Variants in SEPTIN14 observed in about 807,000 individuals in gnomAD.
SEPTIN14 encodes septin-14.
In SEPTIN14, 40 loss-of-function variants were observed where a neutral mutation model predicts 53.6. That is an observed-to-expected ratio of 0.75 (90% confidence interval 0.58 to 0.97). SEPTIN14 has a LOEUF of 0.97. SEPTIN14 is among the 50% of genes least tolerant of loss of function. The pLI is 0.00. For missense variants in SEPTIN14, 471 were observed against 508.2 expected, an observed-to-expected ratio of 0.93 and a Z score of 0.70; for synonymous variants, 138 against 166.8, an observed-to-expected ratio of 0.83 and a Z score of 1.33.
intron 6 of SEPTIN14, among the ~76,000 whole-genome samples, chr7:55,830,349 AT>A (rs1216458496): frequency 2.8e-4 from 16 of 56,852 alleles, no homozygotes; most frequent in Admixed American, 1.1e-3. Flanking sequence ...ATATATATAT[AT>A]TTTTTTTTTT....
chr7:55,845,483 T>C (rs1466411478), intron 3 of SEPTIN14, among the ~76,000 whole-genome samples: 6 of 152,172 alleles, frequency 3.9e-5, no homozygotes, highest in Non-Finnish European at 2.9e-5. Flanking sequence ...TGAGATCTAT[T>C]GCACAGCAGA....
At chr7:55,856,142 ACCCCCT>A (rs1290988708) in intron 2 of SEPTIN14, among the ~76,000 whole-genome samples, 1 of 150,664 alleles carries the variant, frequency 6.6e-6, no homozygotes, top group African/African-American at 2.4e-5. Context: ...TTCTGCCCTC[ACCCCCT>A]CCCTCCCTCA....
At chr7:55,822,856 C>CAAAA (rs148179709) in intron 6 of SEPTIN14, among the ~76,000 whole-genome samples, 4 of 104,422 alleles carry the variant, frequency 3.8e-5, no homozygotes, top group South Asian at 2.9e-4. Flanking sequence ...CAGGGGAAAG[C>CAAAA]AAAAAAAAAA....
intron 7 of SEPTIN14, among the ~76,000 whole-genome samples, chr7:55,813,303 T>C (rs1179982526): frequency 3.3e-5 from 5 of 152,114 alleles, no homozygotes; most frequent in Non-Finnish European, 7.4e-5. Flanking sequence ...ATGCCAGAGA[T>C]AGATAGGAAC....
At chr7:55,826,937 G>T (rs1562712281) in intron 6 of SEPTIN14, among the ~76,000 whole-genome samples, 1 of 152,122 alleles carries the variant, frequency 6.6e-6, no homozygotes, top group Non-Finnish European at 1.5e-5. Flanking sequence ...TTCTGCAGTT[G>T]CCTGAGCATT....
chr7:55,853,689 A>G (rs946503483), intron 2 of SEPTIN14, among the ~76,000 whole-genome samples: 2 of 152,238 alleles, frequency 1.3e-5, no homozygotes, highest in Non-Finnish European at 2.9e-5. Flanking sequence ...TGTTTCTAAC[A>G]CAAAGAAATG....
Position 55,837,740 on chromosome 7 carries a change from G to A in SEPTIN14, c.559-3154C>T, listed in dbSNP as rs112696334. Reference sequence around the variant, plus strand: ...TGGGATTACAGGCATGTGCCACCACGCCCAGCTAATTTTGTATTTTTTAGT... The same window carrying A: ...TGGGATTACAGGCATGTGCCACCACACCCAGCTAATTTTGTATTTTTTAGT... On this transcript the variant is annotated intron_variant, in intron 5 of 9. Coordinates refer to ENST00000388975, the MANE Select transcript of SEPTIN14 (RefSeq NM_207366.3). 1.2e-3 allele frequency among the ~76,000 whole-genome samples: 176 copies of A among 152,180 alleles called. 2 individuals are homozygous for A. Among genetic ancestry groups the A allele is most frequent in the African/African-American group, 4.0e-3 (168 of 41,530 alleles).
chr7:55,797,136 AAAAG>A (rs1365436668), intron 9 of SEPTIN14, among the ~76,000 whole-genome samples: 1 of 152,174 alleles, frequency 6.6e-6, no homozygotes, highest in Non-Finnish European at 1.5e-5. Context: ...AAAAGAAAAA[AAAAG>A]AGAGAGAGAA....
chr7:55,825,134 C>A lies in SEPTIN14; in HGVS notation c.721-5911G>T, dbSNP rs186590651. 9.2e-5 allele frequency among the ~76,000 whole-genome samples: 14 copies of A among 152,200 alleles called. No individual in the cohort carries two copies. In the East Asian group the frequency reaches 2.7e-3, roughly 29 times the overall value. ...CAGTGAGTGGATAAACAAACTGTGGCATACCTAAACATGAAATATTATTTA... is the reference window on the plus strand; with the variant it reads ...CAGTGAGTGGATAAACAAACTGTGGAATACCTAAACATGAAATATTATTTA... On this transcript the variant is annotated intron_variant, in intron 6 of 9. Transcript: ENST00000388975.
chr7:55,805,999 T>C, intron 8 of SEPTIN14, among the ~76,000 whole-genome samples: 1 of 152,106 alleles, frequency 6.6e-6, no homozygotes, highest in Non-Finnish European at 1.5e-5. Flanking sequence ...ACAAGTCCTA[T>C]TCTTCTTTTT....
intron 7 of SEPTIN14, among the ~76,000 whole-genome samples, chr7:55,818,796 G>A (rs1456613941): frequency 6.6e-6 from 1 of 152,114 alleles, no homozygotes; most frequent in Admixed American, 6.5e-5. Flanking sequence ...TGTTGAAAGT[G>A]CTTTCCAGCA....
At chr7:55,815,373 T>C (rs1277911998) in intron 7 of SEPTIN14, among the ~76,000 whole-genome samples, 1 of 152,166 alleles carries the variant, frequency 6.6e-6, no homozygotes, top group Non-Finnish European at 1.5e-5. Flanking sequence ...ACTATTTATC[T>C]GACAAAAGAT....
chr7:55,795,959 G>A lies in SEPTIN14; in HGVS notation c.1253C>T (p.Thr418Ile). The A allele has an allele frequency of 6.3e-7, 1 of 1,594,038 alleles. No homozygotes were observed. Among genetic ancestry groups the A allele is most frequent in the Non-Finnish European group, 8.5e-7 (1 of 1,177,700 alleles). Residue 418 changes from threonine (T) to isoleucine (I), a missense_variant, in exon 10 of 10, where the codon ACT (threonine) becomes ATT (isoleucine). Physicochemically the swap from Thr to Ile is moderately conservative, Grantham distance 89. Coordinates refer to ENST00000388975, the MANE Select transcript of SEPTIN14 (RefSeq NM_207366.3). ...KMKAASEALQTQLSTDTKKDK... is the reference protein window; with the variant it reads ...KMKAASEALQIQLSTDTKKDK... ...TTTCTTTGTATCGGTGCTCAGCTGA[G>A]TCTGCAGTGCTTCGGAGGCAGCTTT...
chr7:55,820,276 C>T (rs907557390), intron 6 of SEPTIN14, among the ~76,000 whole-genome samples: 5 of 152,192 alleles, frequency 3.3e-5, no homozygotes, highest in East Asian at 1.9e-4. Context: ...GCTGAGATTA[C>T]GGGCGTGAGC....
intron 7 of SEPTIN14, chr7:55,810,833 G>A (rs1788688201): frequency 6.8e-6 from 2 of 295,042 alleles, no homozygotes; most frequent in Admixed American, 4.1e-5. Flanking sequence ...CAGGGATCAT[G>A]AAGACCCTCG....
rs1198628419 is a variant in SEPTIN14, at chr7:55,804,155, A to AAC, written c.1119+1102_1119+1103insGT. On this transcript the variant is annotated intron_variant, in intron 9 of 9. Coordinates refer to ENST00000388975, the MANE Select transcript of SEPTIN14 (RefSeq NM_207366.3). ...TGTCTAAAAAAAAAAAAAAAAAAAA[A>AAC]AAAAGTCTTCATGAGATCCAGCTAT... Among the ~76,000 whole-genome samples the AAC allele has an allele frequency of 1.6e-4, 24 of 149,626 alleles. No homozygotes were observed. In the East Asian group the frequency reaches 4.7e-3, roughly 29 times the overall value.
At chr7:55,824,644 C>T (rs2116007785) in intron 6 of SEPTIN14, among the ~76,000 whole-genome samples, 1 of 142,040 alleles carries the variant, frequency 7.0e-6, no homozygotes, top group Middle Eastern at 3.6e-3. Context: ...AAAAAAATAG[C>T]CAGGCGTGGT....
At chr7:55,858,130 G>C (rs1789677390) in intron 2 of SEPTIN14, among the ~76,000 whole-genome samples, 1 of 152,110 alleles carries the variant, frequency 6.6e-6, no homozygotes, top group Non-Finnish European at 1.5e-5. Context: ...CACTCTCTTA[G>C]GGCGCTGGTG....
intron 9 of SEPTIN14, among the ~76,000 whole-genome samples, chr7:55,797,387 T>C (rs544837573): frequency 6.6e-6 from 1 of 152,278 alleles, no homozygotes; most frequent in East Asian, 1.9e-4. Flanking sequence ...TCAAAGATTT[T>C]TTAAAATGTT....
Sources: allele counts gnomAD v4.1 joint callset (sites outside exome capture counted in the v4.1 genomes callset), GRCh38; gene constraint gnomAD v4.1.1; transcripts MANE v1.5; gene names NCBI Gene and HGNC (gene_info 2026-07-23, HGNC 2026-07-21).